The following GABRG1 variants were observed in gnomAD, a reference collection of about 807,000 sequenced individuals.
The protein encoded by GABRG1 is gamma-aminobutyric acid receptor subunit gamma-1.
In GABRG1, 49 loss-of-function variants were observed where a neutral mutation model predicts 49.8. The ratio of observed to expected loss-of-function variants is 0.98; its 90% CI spans 0.78 to 1.25. GABRG1 has a LOEUF of 1.25. Among genes scored for constraint, GABRG1 ranks in the 50% most tolerant of loss-of-function variants. The pLI, the probability that GABRG1 is intolerant of heterozygous loss-of-function variation, is 0.00. For missense variants in GABRG1, 552 were observed against 552.3 expected (o/e 1.00, Z 0.01); for synonymous variants, 232 against 185.1 (o/e 1.25, Z -2.06).
intron 3 of GABRG1, among the ~76,000 whole-genome samples, chr4:46,068,638 C>A (rs1345309378): frequency 2.0e-5 from 3 of 151,886 alleles, no homozygotes; most frequent in African/African-American, 7.3e-5. Flanking sequence ...ACTTATAAGC[C>A]CTTTTAAATT....
Position 46,040,860 on chromosome 4 carries a change from T to C in GABRG1, c.*128A>G. The C allele has an allele frequency of 1.0e-6, 1 of 987,356 alleles. No homozygotes were observed. The highest frequency in any genetic ancestry group is 1.5e-6 in the Non-Finnish European group (1 of 671,958). 61.2% of individuals were successfully genotyped at this position (987,356 alleles called of 1,614,324 possible). The stretch of plus-strand genomic sequence containing the variant: ...TTACTTCTGAAGGCCTTAAAATAGT[T>C]ACAATACTATTCACATTTTAACCAT... On this transcript the variant is annotated 3_prime_UTR_variant, in exon 9 of 9. Coordinates refer to ENST00000295452, the MANE Select transcript of GABRG1 (RefSeq NM_173536.4).
intron 3 of GABRG1, among the ~76,000 whole-genome samples, chr4:46,074,530 G>A (rs777871149): frequency 1.1e-4 from 17 of 152,070 alleles, no homozygotes; most frequent in Non-Finnish European, 1.9e-4. Context: ...CCCCTACCAG[G>A]AAATCCAAGG....
intron 3 of GABRG1, among the ~76,000 whole-genome samples, chr4:46,080,348 A>C (rs1400410060): frequency 6.6e-6 from 1 of 151,876 alleles, no homozygotes; most frequent in Admixed American, 6.6e-5. Flanking sequence ...TGAAAAGTGA[A>C]TTCTAATTTC....
chr4:46,096,433 T>A (rs941154082), intron 2 of GABRG1, among the ~76,000 whole-genome samples: 1 of 151,342 alleles, frequency 6.6e-6, no homozygotes, highest in Non-Finnish European at 1.5e-5. Flanking sequence ...AAATATTAAT[T>A]AAATGCAAGA....
chr4:46,114,408 C>A (rs1303987245), intron 1 of GABRG1, among the ~76,000 whole-genome samples: 2 of 150,962 alleles, frequency 1.3e-5, no homozygotes, highest in Non-Finnish European at 3.0e-5. Context: ...GCCTAGAATA[C>A]TAGGTAAGTG....
intron 1 of GABRG1, among the ~76,000 whole-genome samples, chr4:46,101,811 C>T (rs923119459): frequency 2.0e-4 from 31 of 151,636 alleles, no homozygotes; most frequent in African/African-American, 7.2e-4. Context: ...TCTGTAAAAA[C>T]ATCAAATTAT....
chr4:46,066,365 C>T (rs1718921933), intron 3 of GABRG1, among the ~76,000 whole-genome samples: 1 of 152,182 alleles, frequency 6.6e-6, no homozygotes, highest in African/African-American at 2.4e-5. Flanking sequence ...CACAAACTAA[C>T]TTACTGAGCA....
chr4:46,097,568 T>C (rs1269496422), intron 1 of GABRG1, among the ~76,000 whole-genome samples: 3 of 148,040 alleles, frequency 2.0e-5, no homozygotes, highest in Non-Finnish European at 4.4e-5. Flanking sequence ...TACACAATAT[T>C]AAAATAATAA....
intron 3 of GABRG1, among the ~76,000 whole-genome samples, chr4:46,077,163 G>T (rs559502680): frequency 1.4e-5 from 2 of 148,046 alleles, no homozygotes; most frequent in African/African-American, 2.5e-5. Context: ...GGTAGGGGGA[G>T]GGGGGAGGGA....
At chr4:46,120,340 C>T (rs971665281) in intron 1 of GABRG1, among the ~76,000 whole-genome samples, 2 of 151,600 alleles carry the variant, frequency 1.3e-5, no homozygotes, top group Admixed American at 1.3e-4. Context: ...TCCTTATATT[C>T]TTACATTCAA....
Position 46,035,801 on chromosome 4 carries a change from G to A in GABRG1, c.*5187C>T, listed in dbSNP as rs2109386085. 1 of 151,964 alleles carries A rather than the reference G, an allele frequency of 6.6e-6. No homozygotes were observed. The highest frequency in any genetic ancestry group is 1.9e-4 in the East Asian group (1 of 5,156). 9.4% of individuals were successfully genotyped at this position (151,964 alleles called of 1,614,324 possible). On this transcript the variant is annotated 3_prime_UTR_variant, in exon 9 of 9. Transcript: ENST00000295452. ...GAATGTGACTCTTTATTTATAACAA[G>A]TTACTGGTATTTTTTTTGTTCTAAG...
intron 1 of GABRG1, among the ~76,000 whole-genome samples, chr4:46,119,886 T>A (rs1463466422): frequency 1.3e-5 from 2 of 151,756 alleles, no homozygotes; most frequent in Admixed American, 6.6e-5. Context: ...TATATTTCAC[T>A]CTACTGCACT....
intron 1 of GABRG1, among the ~76,000 whole-genome samples, chr4:46,123,485 A>T (rs1362943180): frequency 6.6e-6 from 1 of 152,096 alleles, no homozygotes; most frequent in East Asian, 1.9e-4. Context: ...GGTGGCATTC[A>T]TTCAGTAAAT....
intron 7 of GABRG1, among the ~76,000 whole-genome samples, chr4:46,052,232 A>AC (rs1192986220): frequency 6.6e-6 from 1 of 151,702 alleles, no homozygotes; most frequent in Non-Finnish European, 1.5e-5. Context: ...TTGAAATAAA[A>AC]AAAAAAAAGA....
chr4:46,054,087 C>A (rs1181996432), intron 7 of GABRG1, among the ~76,000 whole-genome samples: 1 of 42,486 alleles, frequency 2.4e-5, no homozygotes, highest in Non-Finnish European at 4.5e-5. Context: ...TTTCCCAGCA[C>A]CATTTATTAA....
At chr4:46,063,307 G>T (rs201668799) in intron 5 of GABRG1, among the ~76,000 whole-genome samples, 58,981 of 150,774 alleles carry the variant, frequency 0.39, 11,515 homozygotes, top group Non-Finnish European at 0.41. Context: ...CATGGTACTG[G>T]TACCAAAACA....
Position 46,057,447 on chromosome 4 carries a change from G to A in GABRG1, c.916+770C>T, listed in dbSNP as rs191652139. Among the ~76,000 whole-genome samples, 497 of 152,068 alleles carry A rather than the reference G, an allele frequency of 3.3e-3. 1 individual carries two copies. The highest frequency in any genetic ancestry group is 0.01 in the Middle Eastern group (3 of 294). ...TGATTCATGTGTCTTTCACTGATTT[G>A]GGGGGTGAATCAATTGATTAACAAG... is the stretch of plus-strand genomic sequence containing the variant. On this transcript the variant is annotated intron_variant, in intron 7 of 8. Coordinates refer to ENST00000295452, the MANE Select transcript of GABRG1 (RefSeq NM_173536.4).
rs529329140 is a variant in GABRG1, at chr4:46,058,423, T to C, written c.764-54A>G. ...TATATAATATAAATCACAATCCATA[T>C]ATTTAAAATAAAAATGTCATTTAAT... On this transcript the variant is annotated intron_variant, in intron 6 of 8. Coordinates refer to ENST00000295452, the MANE Select transcript of GABRG1 (RefSeq NM_173536.4). The C allele has an allele frequency of 7.7e-4, 1,230 of 1,594,878 alleles. 17 individuals are homozygous for C. The South Asian group carries it at 0.012, about 16-fold the overall frequency.
chr4:46,065,545 C>A lies in GABRG1; in HGVS notation c.361G>T (p.Asp121Tyr). The change falls in exon 4 of 9, where the codon GAC becomes TAC. Residue 121 changes from aspartate (D) to tyrosine (Y), a missense_variant. Physicochemically the swap from Asp to Tyr is radical, Grantham distance 160 (BLOSUM62 -3). Transcript: ENST00000295452. Reference protein sequence around the residue: ...IDIIFAQTWFDSRLKFNSTMK... With the variant: ...IDIIFAQTWFYSRLKFNSTMK... ...GTACTATTGAATTTTAAACGACTGT[C>A]AAACCAGGTTTGGGCAAAAATTATA... 6.2e-7 allele frequency: 1 copy of A among 1,604,242 alleles called. No individual in the cohort carries two copies. Among genetic ancestry groups the A allele is most frequent in the Non-Finnish European group, 8.5e-7 (1 of 1,171,766 alleles).
Sources: gnomAD v4.1 joint callset for allele counts (sites outside exome capture counted in the v4.1 genomes callset) on GRCh38, gnomAD v4.1.1 for gene constraint, MANE v1.5 for transcripts, NCBI Gene and HGNC (gene_info 2026-07-23, HGNC 2026-07-21) for gene names.